The following CHRM3 variants were observed in gnomAD, a reference collection of about 807,000 sequenced individuals.
The protein encoded by CHRM3 is muscarinic acetylcholine receptor M3.
Under a neutral mutation model 41.8 loss-of-function variants are expected in CHRM3, and 11 were observed. That is an observed-to-expected ratio of 0.26 (90% CI 0.17 to 0.44). The LOEUF (loss-of-function observed/expected upper bound fraction) is 0.44, where lower values mean the gene tolerates loss of function less well. Among genes scored for constraint, CHRM3 ranks in the 20% least tolerant of loss-of-function variants. The probability of loss-of-function intolerance (pLI) is 1.00; values close to 1 mark genes in which losing one functional copy is unlikely to be tolerated. For synonymous variants in CHRM3, 297 were observed against 301.4 expected, an observed-to-expected ratio of 0.99 and a Z score of 0.15; for missense variants, 571 against 745.4, an observed-to-expected ratio of 0.77 and a Z score of 2.72.
intron 1 of CHRM3, among the ~76,000 whole-genome samples, chr1:239,404,888 A>G (rs1051683496): frequency 4.6e-5 from 7 of 151,508 alleles, no homozygotes; most frequent in Admixed American, 4.6e-4. Context: ...AAAACAGACC[A>G]TATTTTTGCA....
chr1:239,847,151 G>A (rs902876409), intron 6 of CHRM3, among the ~76,000 whole-genome samples: 1 of 152,138 alleles, frequency 6.6e-6, no homozygotes, highest in Non-Finnish European at 1.5e-5. Flanking sequence ...AAAATAAGAC[G>A]AAAGTGAGGG....
intron 1 of CHRM3, among the ~76,000 whole-genome samples, chr1:239,395,929 G>A (rs1368313658): frequency 6.6e-6 from 1 of 152,052 alleles, no homozygotes; most frequent in Non-Finnish European, 1.5e-5. Context: ...TAAATGTCTC[G>A]CATCAGCTTC....
chr1:239,451,806 A>G lies in CHRM3; in HGVS notation c.-520-40903A>G, dbSNP rs188439382. Among the ~76,000 whole-genome samples the G allele has an allele frequency of 6.5e-3, 993 of 152,300 alleles. 8 individuals carry two copies. Among genetic ancestry groups the G allele is most frequent in the Admixed American group, 0.013 (197 of 15,290 alleles). On this transcript the variant is annotated intron_variant, in intron 1 of 6. Coordinates refer to ENST00000676153, the MANE Select transcript of CHRM3 (RefSeq NM_001375978.1). ...AAAGTAATTAAAAATGTACATACAT[A>G]TACATAAAAGATGTGATCTTGTTTT...
chr1:239,618,621 G>A (rs1367336402), intron 3 of CHRM3, among the ~76,000 whole-genome samples: 3 of 151,668 alleles, frequency 2.0e-5, no homozygotes, highest in African/African-American at 7.3e-5. Flanking sequence ...AAGGCGGTCG[G>A]ATCACGAGGT....
chr1:239,760,998 C>T (rs1049211752), intron 5 of CHRM3, among the ~76,000 whole-genome samples: 4 of 151,842 alleles, frequency 2.6e-5, no homozygotes, highest in Non-Finnish European at 5.9e-5. Flanking sequence ...ACTAATATGT[C>T]TGAGATTCCA....
At chr1:239,874,584 G>A (rs541733962) in intron 6 of CHRM3, among the ~76,000 whole-genome samples, 96 of 151,768 alleles carry the variant, frequency 6.3e-4, no homozygotes, top group African/African-American at 2.2e-3. Flanking sequence ...ATATGTACAT[G>A]TATCCATTTA....
intron 5 of CHRM3, among the ~76,000 whole-genome samples, chr1:239,776,558 GGAA>G (rs1214542022): frequency 6.6e-6 from 1 of 152,010 alleles, no homozygotes; most frequent in Non-Finnish European, 1.5e-5. Context: ...TGTAAGGAAG[GGAA>G]GAAGAACAAA....
chr1:239,668,133 C>T (rs564295941), intron 4 of CHRM3, among the ~76,000 whole-genome samples: 7 of 96,992 alleles, frequency 7.2e-5, no homozygotes. Flanking sequence ...GAGTCTTGCT[C>T]TGTTGCCCAG....
intron 4 of CHRM3, among the ~76,000 whole-genome samples, chr1:239,645,871 A>G (rs1671698420): frequency 6.6e-6 from 1 of 152,218 alleles, no homozygotes; most frequent in African/African-American, 2.4e-5. Flanking sequence ...TTTAACTAAA[A>G]GAGAGTTTTT....
chr1:239,434,383 C>G (rs896710221), intron 1 of CHRM3, among the ~76,000 whole-genome samples: 4 of 152,220 alleles, frequency 2.6e-5, no homozygotes, highest in Admixed American at 2.6e-4. Context: ...TCTTTCATAA[C>G]TCAAGATAAA....
At chr1:239,557,403 T>C (rs1483928906) in intron 3 of CHRM3, among the ~76,000 whole-genome samples, 1 of 152,188 alleles carries the variant, frequency 6.6e-6, no homozygotes, top group Non-Finnish European at 1.5e-5. Context: ...TGGAGACTAC[T>C]CTAACACACC....
intron 5 of CHRM3, among the ~76,000 whole-genome samples, chr1:239,759,308 T>C (rs1040895778): frequency 2.0e-5 from 3 of 149,022 alleles, no homozygotes; most frequent in African/African-American, 7.6e-5. Flanking sequence ...AGGAAACACA[T>C]TATTTTGAAA....
chr1:239,498,779 T>C (rs983372587), intron 2 of CHRM3, among the ~76,000 whole-genome samples: 1 of 152,190 alleles, frequency 6.6e-6, no homozygotes, highest in African/African-American at 2.4e-5. Context: ...CTTATTCTTT[T>C]ACGGAACAGT....
intron 2 of CHRM3, among the ~76,000 whole-genome samples, chr1:239,537,135 A>G (rs1658281746): frequency 6.6e-6 from 1 of 152,136 alleles, no homozygotes; most frequent in African/African-American, 2.4e-5. Flanking sequence ...CCTCCAGTCT[A>G]GACGTCTCCT....
intron 5 of CHRM3, among the ~76,000 whole-genome samples, chr1:239,823,299 T>G (rs1672196962): frequency 6.6e-6 from 1 of 152,158 alleles, no homozygotes; most frequent in South Asian, 2.1e-4. Flanking sequence ...TTAAAACCAA[T>G]AGCCTCATAG....
intron 5 of CHRM3, among the ~76,000 whole-genome samples, chr1:239,808,867 A>G (rs1670876537): frequency 1.3e-5 from 2 of 152,152 alleles, no homozygotes; most frequent in African/African-American, 4.8e-5. Flanking sequence ...GAAAAGGCCT[A>G]TTTAGAATAC....
chr1:239,730,099 A>G (rs1439998597), intron 5 of CHRM3, among the ~76,000 whole-genome samples: 1 of 151,986 alleles, frequency 6.6e-6, no homozygotes, highest in East Asian at 1.9e-4. Flanking sequence ...CTATCAATAA[A>G]TGTTTAAGTT....
chr1:239,885,661 G>C (rs1464110721), intron 6 of CHRM3, among the ~76,000 whole-genome samples: 6 of 152,236 alleles, frequency 3.9e-5, no homozygotes, highest in African/African-American at 1.2e-4. Flanking sequence ...ATTGTGTTGT[G>C]ATCACAGGCA....
rs569625884 is a variant in CHRM3 at position 239,909,839 on chromosome 1, G to GTA, written c.*625_*626dup. Reference sequence around the variant, plus strand: ...GTTTCGTACAAATAAAAATACTTAAGTATATATATATGTGTGAGTTCTGCA... The same window carrying GTA: ...GTTTCGTACAAATAAAAATACTTAAGTATATATATATATGTGTGAGTTCTGCA... On this transcript the variant is annotated 3_prime_UTR_variant, in exon 7 of 7. Transcript: ENST00000676153. 2.8e-3 allele frequency: 463 copies of GTA among 167,216 alleles called. 1 individual carries two copies. The highest frequency in any genetic ancestry group is 8.6e-3 in the African/African-American group (355 of 41,504). The allele number at this position is 167,216 out of a possible 1,614,324, so 10.4% of individuals were successfully genotyped here. A position where few individuals can be genotyped will look rare whatever the true frequency, so the allele number is the denominator to read the frequency against.
Sources: allele counts gnomAD v4.1 joint callset (sites outside exome capture counted in the v4.1 genomes callset), GRCh38; gene constraint gnomAD v4.1.1; transcripts MANE v1.5; gene names NCBI Gene and HGNC (gene_info 2026-07-23, HGNC 2026-07-21).